DNAJC3: variants seen among roughly 807,000 people sequenced by gnomAD.
The protein encoded by DNAJC3 is DnaJ heat shock protein family (Hsp40) member C3.
In DNAJC3, 38 loss-of-function variants were observed where a neutral mutation model predicts 68.6. The observed-to-expected ratio is 0.55, with a 90% CI of 0.43 to 0.73. The LOEUF is 0.73. Ranked by LOEUF, DNAJC3 falls within the 30% of genes least tolerant of loss-of-function variation. The probability of loss-of-function intolerance (pLI) is 0.00; values close to 1 mark genes in which losing one functional copy is unlikely to be tolerated. For missense variants in DNAJC3, 526 were observed against 591.9 expected, an observed-to-expected ratio of 0.89 and a Z score of 1.16; for synonymous variants, 203 against 204.0, an observed-to-expected ratio of 1.00 and a Z score of 0.04.
At chr13:95,680,229 A>G (rs967356543) in intron 1 of DNAJC3, among the ~76,000 whole-genome samples, 2 of 152,124 alleles carry the variant, frequency 1.3e-5, no homozygotes, top group Non-Finnish European at 1.5e-5. Flanking sequence ...TTTTTCTCTT[A>G]TCATAGTTTT....
rs1328117103 is a variant in DNAJC3, at chr13:95,677,184, C to CTGCT, written c.-71_-68dup. 1 of 1,456,126 alleles carries CTGCT rather than the reference C, an allele frequency of 6.9e-7. No individual in the cohort carries two copies. Among genetic ancestry groups the CTGCT allele is most frequent in the Non-Finnish European group, 9.3e-7 (1 of 1,076,258 alleles). The allele number at this position is 1,456,126 out of a possible 1,614,324, so 90.2% of individuals were successfully genotyped here. A position where few individuals can be genotyped will look rare whatever the true frequency, so the allele number is the denominator to read the frequency against. ...GAGAGCCGACGGCGGGCGGGCGCAG[C>CTGCT]TGCTGCCGGAGCGCCGGCGCGTGCT... On this transcript the variant is annotated 5_prime_UTR_variant, in exon 1 of 12. Coordinates refer to ENST00000602402, the MANE Select transcript of DNAJC3 (RefSeq NM_006260.5).
chr13:95,692,940 C>T (rs1880319043), intron 1 of DNAJC3: 1 of 152,174 alleles, frequency 6.6e-6, no homozygotes, highest in South Asian at 2.1e-4. Context: ...CCTGCCTCAG[C>T]CTCCCAAGTA....
chr13:95,761,332 G>A (rs1882813641), intron 7 of DNAJC3, among the ~76,000 whole-genome samples: 1 of 152,066 alleles, frequency 6.6e-6, no homozygotes, highest in Admixed American at 6.6e-5. Flanking sequence ...GTGGACAGAA[G>A]TAAGAGGCTG....
At chr13:95,693,129 C>T (rs1351742982) in intron 1 of DNAJC3, 1 of 152,214 alleles carries the variant, frequency 6.6e-6, no homozygotes, top group Non-Finnish European at 1.5e-5. Context: ...CGCACCCATG[C>T]CTTTTTTAAA....
Position 95,763,762 on chromosome 13 carries a change from TGTTCCC to T in DNAJC3, c.954+15_954+20del, listed in dbSNP as rs1180538235. On this transcript the variant is annotated intron_variant, in intron 8 of 11. Transcript: ENST00000602402. ...TGCTTTTCTAAGGTAACAGTTGACT[TGTTCCC>T]AGAAATGTGAAAACTCAACATGTGG... 1 of 1,613,850 alleles carries T rather than the reference TGTTCCC, an allele frequency of 6.2e-7. No homozygotes were observed. Among genetic ancestry groups the T allele is most frequent in the Admixed American group, 1.7e-5 (1 of 60,000 alleles).
intron 4 of DNAJC3, among the ~76,000 whole-genome samples, chr13:95,750,066 T>C (rs1264829073): frequency 6.6e-6 from 1 of 151,824 alleles, no homozygotes; most frequent in Non-Finnish European, 1.5e-5. Context: ...AGTCCTCTTA[T>C]GTACACATCC....
At chr13:95,779,088 G>T (rs574033936) in intron 9 of DNAJC3, among the ~76,000 whole-genome samples, 2 of 149,756 alleles carry the variant, frequency 1.3e-5, no homozygotes, top group East Asian at 3.9e-4. Context: ...AATACATAAC[G>T]GAATTTATAA....
intron 1 of DNAJC3, among the ~76,000 whole-genome samples, chr13:95,680,721 G>A (rs1271637406): frequency 6.6e-6 from 1 of 152,156 alleles, no homozygotes; most frequent in Non-Finnish European, 1.5e-5. Flanking sequence ...ATGCACTGTA[G>A]TAATTAGGTT....
intron 4 of DNAJC3, among the ~76,000 whole-genome samples, chr13:95,736,664 T>G (rs1224101511): frequency 7.3e-5 from 11 of 151,592 alleles, no homozygotes; most frequent in Non-Finnish European, 1.5e-5. Context: ...TTTTGTACAT[T>G]GATTTTGTAT....
chr13:95,763,554 A>G, intron 7 of DNAJC3, 89 bp from the exon 8 acceptor site: 1 of 1,259,420 alleles, frequency 7.9e-7, no homozygotes, highest in Non-Finnish European at 1.1e-6. Flanking sequence ...GGATTGATTA[A>G]GCAACACATG....
intron 9 of DNAJC3, among the ~76,000 whole-genome samples, chr13:95,781,544 C>T (rs1481130022): frequency 6.6e-6 from 1 of 152,056 alleles, no homozygotes; most frequent in Admixed American, 6.5e-5. Flanking sequence ...TATTACTTTT[C>T]GTCACTTCGG....
chr13:95,755,756 CAAAAAAAAAAAA>C (rs56659621), intron 4 of DNAJC3, among the ~76,000 whole-genome samples: 14 of 15,098 alleles, frequency 9.3e-4, no homozygotes, highest in Middle Eastern at 0.056. Flanking sequence ...GACGCCGTCT[CAAAAAAAAAAAA>C]AAAAAAAAAA....
intron 2 of DNAJC3, among the ~76,000 whole-genome samples, chr13:95,720,029 A>C (rs1381942036): frequency 3.9e-5 from 6 of 152,064 alleles, no homozygotes; most frequent in Admixed American, 3.9e-4. Flanking sequence ...AAATATTTTC[A>C]GTCTGAGGGT....
At chr13:95,703,339 C>T (rs1880631236) in intron 1 of DNAJC3, among the ~76,000 whole-genome samples, 1 of 152,176 alleles carries the variant, frequency 6.6e-6, no homozygotes, top group African/African-American at 2.4e-5. Flanking sequence ...CATAGGAACA[C>T]CTGACAGTAC....
At chr13:95,679,765 A>C (rs891280764) in intron 1 of DNAJC3, among the ~76,000 whole-genome samples, 1 of 152,228 alleles carries the variant, frequency 6.6e-6, no homozygotes, top group Non-Finnish European at 1.5e-5. Flanking sequence ...TAACCATTTT[A>C]TGTGTGTATA....
intron 1 of DNAJC3, among the ~76,000 whole-genome samples, chr13:95,680,610 A>T (rs917684151): frequency 2.6e-5 from 4 of 152,210 alleles, no homozygotes; most frequent in African/African-American, 9.7e-5. Context: ...CAGTAGTATC[A>T]AAGTTCCAGT....
At chr13:95,752,515 G>A (rs766655121) in intron 4 of DNAJC3, among the ~76,000 whole-genome samples, 2 of 152,128 alleles carry the variant, frequency 1.3e-5, no homozygotes, top group African/African-American at 4.8e-5. Context: ...TCACAGATAT[G>A]CAGGTAGAAA....
intron 9 of DNAJC3, among the ~76,000 whole-genome samples, chr13:95,772,298 C>T (rs1224281397): frequency 6.6e-6 from 1 of 152,106 alleles, no homozygotes; most frequent in East Asian, 1.9e-4. Context: ...GTCATATTAC[C>T]AGACACTTCA....
intron 4 of DNAJC3, among the ~76,000 whole-genome samples, chr13:95,751,609 A>G (rs1882480466): frequency 6.6e-6 from 1 of 152,246 alleles, no homozygotes; most frequent in Non-Finnish European, 1.5e-5. Context: ...GTGGGACTTG[A>G]GAAAACAGAG....
Sources: allele counts gnomAD v4.1 joint callset (sites outside exome capture counted in the v4.1 genomes callset), GRCh38; gene constraint gnomAD v4.1.1; transcripts MANE v1.5; gene names NCBI Gene and HGNC (gene_info 2026-07-23, HGNC 2026-07-21).